The following TRDMT1 variants were observed in gnomAD, a reference collection of about 807,000 sequenced individuals.
The protein encoded by TRDMT1 is tRNA (cytosine(38)-C(5))-methyltransferase.
TRDMT1 carries 49 observed loss-of-function variants against 51.2 expected under a neutral mutation model. The ratio of observed to expected loss-of-function variants is 0.96; its 90% CI spans 0.76 to 1.21. TRDMT1 has a LOEUF of 1.21. Among genes scored for constraint, TRDMT1 ranks in the 50% most tolerant of loss-of-function variants. The pLI, the probability that TRDMT1 is intolerant of heterozygous loss-of-function variation, is 0.00. For synonymous variants in TRDMT1, 187 were observed against 164.6 expected (o/e 1.14, Z -1.04); for missense variants, 534 against 462.3 (o/e 1.16, Z -1.42).
intron 2 of TRDMT1, among the ~76,000 whole-genome samples, chr10:17,173,352 TCAA>T (rs1238227520): frequency 2.0e-5 from 3 of 151,684 alleles, no homozygotes; most frequent in Non-Finnish European, 4.4e-5. Context: ...AAAATATCAC[TCAA>T]CAATAAAAAA....
At chr10:17,186,092 G>T (rs1843875129) in intron 1 of TRDMT1, among the ~76,000 whole-genome samples, 2 of 116,176 alleles carry the variant, frequency 1.7e-5, no homozygotes, top group Non-Finnish European at 4.0e-5. Context: ...AATAAATATG[G>T]TCAATGCAGT....
chr10:17,191,116 G>A (rs549771553), intron 1 of TRDMT1, among the ~76,000 whole-genome samples: 2 of 152,244 alleles, frequency 1.3e-5, no homozygotes, highest in Non-Finnish European at 2.9e-5. Context: ...GGTTTTGTAG[G>A]AAGAACAACC....
chr10:17,152,705 G>T (rs1838914802), intron 10 of TRDMT1, among the ~76,000 whole-genome samples: 1 of 152,164 alleles, frequency 6.6e-6, no homozygotes. Context: ...ACTGGCCCCG[G>T]TAGTGGGATC....
chr10:17,146,847 A>G lies in TRDMT1; in HGVS notation c.*2193T>C, dbSNP rs552417535. On this transcript the variant is annotated 3_prime_UTR_variant, in exon 11 of 11. Transcript: ENST00000377799. ...TTCCAAATTAATTATGCATACATAT[A>G]CATCTGCTAATTGAATGACACTGGT... 43 of 985,410 alleles carry G rather than the reference A, an allele frequency of 4.4e-5. No homozygotes were observed. Among genetic ancestry groups the G allele is most frequent in the Admixed American group, 6.1e-5 (1 of 16,290 alleles). 61.0% of individuals were successfully genotyped at this position (985,410 alleles called of 1,614,324 possible). A position where few individuals can be genotyped will look rare whatever the true frequency, so the allele number is the denominator to read the frequency against.
Position 17,145,489 on chromosome 10 carries a change from C to G in TRDMT1, c.*3551G>C. 8.1e-6 allele frequency: 8 copies of G among 985,358 alleles called. No homozygotes were observed. Among genetic ancestry groups the G allele is most frequent in the Non-Finnish European group, 9.6e-6 (8 of 829,922 alleles). The allele number at this position is 985,358 out of a possible 1,614,324, so 61.0% of individuals were successfully genotyped here. A position where few individuals can be genotyped will look rare whatever the true frequency, so the allele number is the denominator to read the frequency against. On this transcript the variant is annotated 3_prime_UTR_variant, in exon 11 of 11. Coordinates refer to ENST00000377799, the MANE Select transcript of TRDMT1 (RefSeq NM_004412.7). Reference sequence around the variant, plus strand: ...ATAATCTCAATGCAATCACAGGCTACAAGAAAACTGCTGAGGCTATATGAC... The same window carrying G: ...ATAATCTCAATGCAATCACAGGCTAGAAGAAAACTGCTGAGGCTATATGAC...
chr10:17,139,348 A>T lies in TRDMT1; in HGVS notation c.*9692T>A, dbSNP rs1564531790. 2 of 312,938 alleles carry T rather than the reference A, an allele frequency of 6.4e-6. No individual in the cohort carries two copies. Among genetic ancestry groups the T allele is most frequent in the East Asian group, 1.7e-4 (1 of 5,946 alleles). The allele number at this position is 312,938 out of a possible 1,614,324, so 19.4% of individuals were successfully genotyped here. On this transcript the variant is annotated 3_prime_UTR_variant, in exon 11 of 11. Coordinates refer to ENST00000377799, the MANE Select transcript of TRDMT1 (RefSeq NM_004412.7). The stretch of plus-strand genomic sequence containing the variant: ...AGACTTCAGCATGAATGACAGAAGA[A>T]ATGTAGGTGGTAAATAACTGCAAAC...
chr10:17,162,876 C>A (rs1026770228), intron 3 of TRDMT1, among the ~76,000 whole-genome samples: 1 of 152,062 alleles, frequency 6.6e-6, no homozygotes. Context: ...CAAAAAAGAA[C>A]AAGAAGTCAA....
intron 3 of TRDMT1, among the ~76,000 whole-genome samples, chr10:17,167,952 A>T (rs372933905): frequency 2.8e-4 from 42 of 152,304 alleles, no homozygotes; most frequent in African/African-American, 9.1e-4. Context: ...TTTTGACCAA[A>T]TTAATTTGCT....
intron 1 of TRDMT1, among the ~76,000 whole-genome samples, chr10:17,192,546 G>A (rs987620869): frequency 1.3e-5 from 2 of 152,052 alleles, no homozygotes; most frequent in Admixed American, 6.5e-5. Flanking sequence ...CCGGAAACAC[G>A]CACTAAGGAG....
At position 17,160,395 on chromosome 10, in the gene TRDMT1, C is replaced by CT. The variant is rs1840166995; in HGVS notation, c.390-22dup. 4.7e-6 allele frequency: 6 copies of CT among 1,286,706 alleles called. No homozygotes were observed. The East Asian group carries it at 1.5e-4, about 33-fold the overall frequency. 79.7% of individuals were successfully genotyped at this position (1,286,706 alleles called of 1,614,324 possible). A position where few individuals can be genotyped will look rare whatever the true frequency, so the allele number is the denominator to read the frequency against. On this transcript the variant is annotated intron_variant, in intron 5 of 10. Coordinates refer to ENST00000377799, the MANE Select transcript of TRDMT1 (RefSeq NM_004412.7). Reference sequence around the variant, plus strand: ...GGTCTCTAAAAAGAAAAAAAAAAAACTTTAATTCTTACTTGGAAAGGCAGT... The same window carrying CT: ...GGTCTCTAAAAAGAAAAAAAAAAAACTTTTAATTCTTACTTGGAAAGGCAGT...
chr10:17,160,696 C>G (rs1448696028), intron 5 of TRDMT1, among the ~76,000 whole-genome samples: 1 of 152,144 alleles, frequency 6.6e-6, no homozygotes, highest in African/African-American at 2.4e-5. Context: ...TGGTCTAGAA[C>G]TCCTGACCTC....
At chr10:17,164,844 C>A (rs11254417) in intron 3 of TRDMT1, among the ~76,000 whole-genome samples, 20,839 of 152,010 alleles carry the variant, frequency 0.14, 1,527 homozygotes, top group Admixed American at 0.17. Context: ...GAAGATCTAC[C>A]AATCACTGCT....
At position 17,146,886 on chromosome 10, in the gene TRDMT1, T is replaced by C; in HGVS notation, c.*2154A>G. ...AATGACACTGGTAGATACATCTTCATTAAGATGTGAGTTTTATGCTTGTTA... is the reference window on the plus strand; with the variant it reads ...AATGACACTGGTAGATACATCTTCACTAAGATGTGAGTTTTATGCTTGTTA... On this transcript the variant is annotated 3_prime_UTR_variant, in exon 11 of 11. Coordinates refer to ENST00000377799, the MANE Select transcript of TRDMT1 (RefSeq NM_004412.7). The C allele has an allele frequency of 1.0e-6, 1 of 982,524 alleles. No homozygotes were observed. The highest frequency in any genetic ancestry group is 1.2e-6 in the Non-Finnish European group (1 of 828,634). The allele number at this position is 982,524 out of a possible 1,614,324, so 60.9% of individuals were successfully genotyped here.
intron 1 of TRDMT1, among the ~76,000 whole-genome samples, chr10:17,195,711 T>C (rs1354293267): frequency 1.3e-5 from 2 of 152,218 alleles, no homozygotes; most frequent in Non-Finnish European, 2.9e-5. Context: ...AATGGGAAGT[T>C]AAAGTTCTCT....
chr10:17,157,121 C>A, intron 8 of TRDMT1, among the ~76,000 whole-genome samples: 1 of 152,138 alleles, frequency 6.6e-6, no homozygotes, highest in East Asian at 1.9e-4. Flanking sequence ...TGATGTGCCA[C>A]AGAAGTGCTA....
chr10:17,190,719 C>T (rs935987971), intron 1 of TRDMT1, among the ~76,000 whole-genome samples: 1 of 152,210 alleles, frequency 6.6e-6, no homozygotes, highest in African/African-American at 2.4e-5. Context: ...ATGATATCTA[C>T]ATCAAGCTGC....
At chr10:17,177,815 G>C (rs1176502676) in intron 1 of TRDMT1, among the ~76,000 whole-genome samples, 3 of 151,664 alleles carry the variant, frequency 2.0e-5, no homozygotes, top group Non-Finnish European at 2.9e-5. Context: ...CTGTAGGGAA[G>C]AACTTTTTGT....
chr10:17,144,018 T>C lies in TRDMT1; in HGVS notation c.*5022A>G, dbSNP rs963600345. 1.4e-5 allele frequency: 14 copies of C among 985,174 alleles called. No homozygotes were observed. The Admixed American group carries it at 1.8e-4, about 13-fold the overall frequency. 61.0% of individuals were successfully genotyped at this position (985,174 alleles called of 1,614,324 possible). ...ACTTAGGAAAACAGCAGATTTAGAG[T>C]CATCTGGGTGTCATCGGCAAAATGG... is the stretch of plus-strand genomic sequence containing the variant. On this transcript the variant is annotated 3_prime_UTR_variant, in exon 11 of 11. Transcript: ENST00000377799.
chr10:17,164,059 C>A (rs1241956185), intron 3 of TRDMT1, among the ~76,000 whole-genome samples: 2 of 151,976 alleles, frequency 1.3e-5, no homozygotes, highest in African/African-American at 4.8e-5. Flanking sequence ...GGCAGAGACA[C>A]AACAAAAAAA....
Sources: gnomAD v4.1 joint callset for allele counts (sites outside exome capture counted in the v4.1 genomes callset) on GRCh38, gnomAD v4.1.1 for gene constraint, MANE v1.5 for transcripts, NCBI Gene and HGNC (gene_info 2026-07-23, HGNC 2026-07-21) for gene names.